Variants in PAX8 observed in about 807,000 individuals in gnomAD.
PAX8 encodes paired box 8.
Under a neutral mutation model 52.4 loss-of-function variants are expected in PAX8, and 15 were observed. The ratio of observed to expected loss-of-function variants is 0.29; its 90% confidence interval spans 0.19 to 0.44. PAX8 has a LOEUF of 0.44. Ranked by LOEUF, PAX8 falls within the 20% of genes least tolerant of loss-of-function variation. The probability of loss-of-function intolerance (pLI) is 1.00; values close to 1 mark genes in which losing one functional copy is unlikely to be tolerated. For missense variants in PAX8, 554 were observed against 602.5 expected (o/e 0.92, Z 0.84); for synonymous variants, 284 against 249.7 (o/e 1.14, Z -1.29).
chr2:113,216,104 G>C lies in PAX8; in HGVS notation c.*2429C>G, dbSNP rs372076950. On this transcript the variant is annotated 3_prime_UTR_variant, in exon 12 of 12. Coordinates refer to ENST00000429538, the MANE Select transcript of PAX8 (RefSeq NM_003466.4). ...AGGGGCTGTGGCTGTGAATGCAAGG[G>C]ATCGCTCTATGGGCTCCTTGGGATG... is the stretch of plus-strand genomic sequence containing the variant. 4.4e-6 allele frequency: 1 copy of C among 228,246 alleles called. No homozygotes were observed. The highest frequency in any genetic ancestry group is 1.8e-4 in the South Asian group (1 of 5,488). The allele number at this position is 228,246 out of a possible 1,614,324, so 14.1% of individuals were successfully genotyped here.
intron 2 of PAX8, 111 bp downstream of exon 2, chr2:113,278,259 G>A (rs1693970977): frequency 1.1e-6 from 1 of 891,154 alleles, no homozygotes; most frequent in South Asian, 1.6e-5. Flanking sequence ...CCCCACGCGG[G>A]TGGGTCCCGC....
Position 113,278,295 on chromosome 2 carries a change from T to C in PAX8, c.25+75A>G, listed in dbSNP as rs570476070. 2.6e-5 allele frequency: 32 copies of C among 1,225,180 alleles called. No homozygotes were observed. The South Asian group carries it at 3.4e-4, about 13-fold the overall frequency. The allele number at this position is 1,225,180 out of a possible 1,614,324, so 75.9% of individuals were successfully genotyped here. A position where few individuals can be genotyped will look rare whatever the true frequency, so the allele number is the denominator to read the frequency against. ...GAATCCCGTGCTGACGCTCTCGAGA[T>C]CCAACCACCCGAGCGCACGCACGGA... On this transcript the variant is annotated intron_variant, in intron 2 of 11. Transcript: ENST00000429538.
intron 2 of PAX8, among the ~76,000 whole-genome samples, chr2:113,260,016 G>A (rs1056714734): frequency 6.6e-6 from 1 of 152,196 alleles, no homozygotes; most frequent in Non-Finnish European, 1.5e-5. Flanking sequence ...TGAGGTCAGA[G>A]GCCTGTGGCT....
intron 3 of PAX8, 60 bp downstream of exon 3, chr2:113,246,694 G>C: frequency 6.4e-7 from 1 of 1,569,456 alleles, no homozygotes. Flanking sequence ...GCTGCCCTGA[G>C]ATCAGCTGGA....
At chr2:113,257,494 C>T (rs1692347179) in intron 2 of PAX8, among the ~76,000 whole-genome samples, 1 of 151,920 alleles carries the variant, frequency 6.6e-6, no homozygotes, top group African/African-American at 2.4e-5. Context: ...ATTTGGCTTC[C>T]TTAGATGCTT....
In PAX8 at chr2:113,236,598, T is replaced by C; in HGVS notation, c.898+3A>G. Reference sequence around the variant, plus strand: ...CCTGCCAGGGAGGCTCCGGGCGTTGTACCTGCCACCACGGGGTAGGTCTGG... The same window carrying C: ...CCTGCCAGGGAGGCTCCGGGCGTTGCACCTGCCACCACGGGGTAGGTCTGG... On this transcript the variant is annotated splice_donor_region_variant and intron_variant, in intron 8 of 11. Coordinates refer to ENST00000429538, the MANE Select transcript of PAX8 (RefSeq NM_003466.4). 6.4e-7 allele frequency: 1 copy of C among 1,570,460 alleles called. No homozygotes were observed. Among genetic ancestry groups the C allele is most frequent in the Non-Finnish European group, 8.6e-7 (1 of 1,158,940 alleles).
intron 4 of PAX8, 52 bp downstream of exon 4, chr2:113,244,375 C>T: frequency 5.7e-6 from 8 of 1,402,272 alleles, no homozygotes; most frequent in Non-Finnish European, 8.1e-6. Context: ...TTCCTGATTT[C>T]CCCAAAGCCC....
chr2:113,236,067 T>A (rs1690280076), intron 8 of PAX8: 1 of 216,178 alleles, frequency 4.6e-6, no homozygotes, highest in South Asian at 1.3e-4. Context: ...GCGCGACCCC[T>A]CGGCCCACCT....
intron 2 of PAX8, chr2:113,269,256 T>C (rs1472438199): frequency 6.6e-6 from 1 of 152,236 alleles, no homozygotes; most frequent in African/African-American, 2.4e-5. Context: ...GGAGCCCCAG[T>C]GTAGACCGTC....
Position 113,235,587 on chromosome 2 carries a change from C to CGGA in PAX8, c.899-8_899-6dup. On this transcript the variant is annotated splice_polypyrimidine_tract_variant and splice_region_variant and intron_variant, in intron 8 of 11. Transcript: ENST00000429538. The stretch of plus-strand genomic sequence containing the variant: ...TGGCGAAGGGTGAGTGAGGATCTGC[C>CGGA]GGAGGGAGGGAGACAACAAGGAGAG... The CGGA allele has an allele frequency of 1.2e-6, 2 of 1,603,698 alleles. No individual in the cohort carries two copies. Among genetic ancestry groups the CGGA allele is most frequent in the Non-Finnish European group, 1.7e-6 (2 of 1,173,334 alleles).
chr2:113,235,343 C>T, intron 9 of PAX8, 51 bp downstream of exon 9: 2 of 1,491,158 alleles, frequency 1.3e-6, no homozygotes, highest in Admixed American at 2.0e-5. Context: ...CTGAGGACCC[C>T]CGTCCCACCC....
At position 113,278,403 on chromosome 2, in the gene PAX8, A is replaced by G; in HGVS notation, c.-9T>C. 6.2e-7 allele frequency: 1 copy of G among 1,610,674 alleles called. No homozygotes were observed. Among genetic ancestry groups the G allele is most frequent in the Non-Finnish European group, 8.5e-7 (1 of 1,178,678 alleles). ...ATGGAGTTGTGAGGCATCGCCGGGG[A>G]GTCGCTCGCAGCCCGCCGAGGGCTC... On this transcript the variant is annotated 5_prime_UTR_variant, in exon 2 of 12. Transcript: ENST00000429538.
chr2:113,236,941 T>G, intron 7 of PAX8: 1 of 584,946 alleles, frequency 1.7e-6, no homozygotes, highest in Non-Finnish European at 3.0e-6. Context: ...GTAGCATGGG[T>G]GCCCAGACGT....
At chr2:113,236,878 C>T (rs991421310) in intron 7 of PAX8, 157 bp from the exon 8 acceptor site, 6 of 851,814 alleles carry the variant, frequency 7.0e-6, no homozygotes, top group Admixed American at 5.9e-5. Context: ...CCACTCGGCA[C>T]GTTTCGTTCA....
chr2:113,260,209 T>C (rs1236152426), intron 2 of PAX8, among the ~76,000 whole-genome samples: 1 of 152,204 alleles, frequency 6.6e-6, no homozygotes, highest in Non-Finnish European at 1.5e-5. Context: ...CCCTGACATA[T>C]TATAGAACCT....
intron 9 of PAX8, among the ~76,000 whole-genome samples, chr2:113,230,872 T>C (rs941906575): frequency 3.3e-5 from 5 of 152,186 alleles, no homozygotes; most frequent in African/African-American, 1.2e-4. Flanking sequence ...ATGAATTCCA[T>C]CTCCTCTACA....
chr2:113,251,466 G>T (rs939334258), intron 2 of PAX8, among the ~76,000 whole-genome samples: 1 of 152,080 alleles, frequency 6.6e-6, no homozygotes, highest in East Asian at 1.9e-4. Flanking sequence ...GTGGGGAGGT[G>T]GGGTGGGTAT....
chr2:113,256,716 C>T (rs538019497), intron 2 of PAX8, among the ~76,000 whole-genome samples: 3 of 151,960 alleles, frequency 2.0e-5, no homozygotes, highest in African/African-American at 7.2e-5. Context: ...TCCTCTTGCC[C>T]TGATGAGTGG....
At chr2:113,223,705 A>G (rs1388270915) in intron 10 of PAX8, among the ~76,000 whole-genome samples, 2 of 152,160 alleles carry the variant, frequency 1.3e-5, no homozygotes, top group Admixed American at 6.5e-5. Context: ...TCTTTATTAC[A>G]TCATCCCATT....
Sources: gnomAD v4.1 joint callset for allele counts (sites outside exome capture counted in the v4.1 genomes callset) on GRCh38, gnomAD v4.1.1 for gene constraint, MANE v1.5 for transcripts, NCBI Gene and HGNC (gene_info 2026-07-23, HGNC 2026-07-21) for gene names.